SOX6: variants seen among roughly 807,000 people sequenced by gnomAD.
SOX6 encodes SRY-box transcription factor 6.
A neutral mutation model predicts 97.8 loss-of-function variants in SOX6; 11 were observed. The observed-to-expected ratio is 0.11, with a 90% confidence interval of 0.07 to 0.19. The LOEUF (loss-of-function observed/expected upper bound fraction) is 0.19, where lower values mean the gene tolerates loss of function less well. Among genes scored for constraint, SOX6 ranks in the 10% least tolerant of loss-of-function variants. The probability of loss-of-function intolerance (pLI) is 1.00; values close to 1 mark genes in which losing one functional copy is unlikely to be tolerated. For missense variants in SOX6, 810 were observed against 1,039.5 expected, an observed-to-expected ratio of 0.78 and a Z score of 3.04; for synonymous variants, 360 against 371.4, an observed-to-expected ratio of 0.97 and a Z score of 0.35.
chr11:15,972,942 T>G lies in SOX6; in HGVS notation c.2354A>C (p.Asp785Ala). 6.2e-7 allele frequency: 1 copy of G among 1,614,232 alleles called. No individual in the cohort carries two copies. Among genetic ancestry groups the G allele is most frequent in the Non-Finnish European group, 8.5e-7 (1 of 1,180,030 alleles). Residue 785 changes from aspartate (D) to alanine (A), a missense_variant, in exon 16 of 16, where the codon GAT (aspartate) becomes GCT (alanine). Physicochemically the swap from Asp to Ala is moderately radical, Grantham distance 126. Transcript: ENST00000683767. ...TTCATTTCCAGCTAGGCTTCCGCCA[T>G]CTGTCTTCATACCATAAGTGCTCTG... ...VIQSTYGMKT[D>A]GGSLAGNEMI...
At chr11:16,114,406 T>G (rs1849299054) in intron 6 of SOX6, among the ~76,000 whole-genome samples, 1 of 152,174 alleles carries the variant, frequency 6.6e-6, no homozygotes, top group African/African-American at 2.4e-5. Context: ...ACACAATTAT[T>G]GTGAGGACCA....
At chr11:16,001,483 G>A (rs1278729737) in intron 13 of SOX6, among the ~76,000 whole-genome samples, 1 of 152,116 alleles carries the variant, frequency 6.6e-6, no homozygotes, top group Non-Finnish European at 1.5e-5. Flanking sequence ...GTTCTAGAAC[G>A]TAGATCTTCT....
At chr11:16,694,937 G>C (rs561136656) in intron 3 of SOX6, among the ~76,000 whole-genome samples, 1 of 152,110 alleles carries the variant, frequency 6.6e-6, no homozygotes, top group African/African-American at 2.4e-5. Context: ...CATTTACATT[G>C]TATTAGGCAT....
intron 2 of SOX6, among the ~76,000 whole-genome samples, chr11:16,724,336 C>T (rs368467577): frequency 1.1e-4 from 17 of 152,274 alleles, no homozygotes; most frequent in African/African-American, 3.1e-4. Flanking sequence ...GCCTCAGTTT[C>T]CTGATCTGTA....
chr11:16,270,074 A>AAT (rs1854207403), intron 3 of SOX6: 1 of 151,382 alleles, frequency 6.6e-6, no homozygotes, highest in African/African-American at 2.4e-5. Context: ...TTGTCCTGTT[A>AAT]ATAAATAATC....
intron 1 of SOX6, among the ~76,000 whole-genome samples, chr11:16,401,848 C>A (rs1858567430): frequency 1.3e-5 from 2 of 151,488 alleles, no homozygotes; most frequent in South Asian, 4.1e-4. Context: ...CCAAGTCCAG[C>A]TTCAGTCACA....
intron 4 of SOX6, among the ~76,000 whole-genome samples, chr11:16,193,650 C>G (rs1851691819): frequency 3.3e-5 from 5 of 152,140 alleles, no homozygotes; most frequent in Admixed American, 3.3e-4. Context: ...TGAAGATACA[C>G]TTTTTCACAT....
intron 1 of SOX6, among the ~76,000 whole-genome samples, chr11:16,371,035 T>C (rs1232754941): frequency 1.3e-5 from 2 of 152,116 alleles, no homozygotes; most frequent in African/African-American, 4.8e-5. Context: ...CTCAAAATGT[T>C]CCAATGGCTC....
intron 3 of SOX6, among the ~76,000 whole-genome samples, chr11:16,676,257 T>C (rs184350688): frequency 2.6e-5 from 4 of 152,356 alleles, no homozygotes; most frequent in Admixed American, 6.5e-5. Flanking sequence ...GGTTCCTTTT[T>C]ATAACTTCTA....
chr11:16,084,994 A>G (rs1211164759), intron 9 of SOX6, among the ~76,000 whole-genome samples: 1 of 152,206 alleles, frequency 6.6e-6, no homozygotes, highest in Non-Finnish European at 1.5e-5. Context: ...TTCCACCCAA[A>G]TTAGTCACAT....
At chr11:16,095,194 A>T (rs1402149472) in intron 9 of SOX6, among the ~76,000 whole-genome samples, 7 of 151,922 alleles carry the variant, frequency 4.6e-5, no homozygotes, top group Non-Finnish European at 1.0e-4. Flanking sequence ...TCCACTTTTT[A>T]AAAAATTCAA....
At chr11:16,387,633 T>C (rs552324729) in intron 1 of SOX6, among the ~76,000 whole-genome samples, 3 of 152,250 alleles carry the variant, frequency 2.0e-5, no homozygotes, top group South Asian at 4.1e-4. Context: ...TGAAAATTGA[T>C]TTTGCTTTCA....
intron 4 of SOX6, among the ~76,000 whole-genome samples, chr11:16,590,735 G>C (rs1055891500): frequency 6.6e-6 from 1 of 151,834 alleles, no homozygotes; most frequent in Non-Finnish European, 1.5e-5. Context: ...ACATGTGAGA[G>C]CTTAAAAAAA....
intron 7 of SOX6, among the ~76,000 whole-genome samples, chr11:16,102,345 A>G (rs1036781996): frequency 2.6e-5 from 4 of 151,962 alleles, no homozygotes; most frequent in Non-Finnish European, 5.9e-5. Flanking sequence ...CCTCTACAAG[A>G]AAACTACAAA....
upstream of SOX6, among the ~76,000 whole-genome samples, chr11:16,479,571 T>TGAAGAAATGC (rs1860308540): frequency 6.7e-6 from 1 of 150,372 alleles, no homozygotes; most frequent in African/African-American, 2.4e-5. Flanking sequence ...AGAAGAAATG[T>TGAAGAAATGC]ACAAATGAAG....
chr11:16,425,923 T>G (rs995663781), intron 1 of SOX6, among the ~76,000 whole-genome samples: 8 of 151,644 alleles, frequency 5.3e-5, no homozygotes, highest in Admixed American at 5.3e-4. Context: ...CTATTCCTAG[T>G]AAACTACCAT....
intron 3 of SOX6, among the ~76,000 whole-genome samples, chr11:16,676,111 G>C (rs1436172166): frequency 6.9e-6 from 1 of 144,270 alleles, no homozygotes; most frequent in Non-Finnish European, 1.6e-5. Context: ...TCATTTTCCT[G>C]ATCTTCAGCA....
rs558685691 is a variant in SOX6, at chr11:16,422,908, T to C, written c.-5+53407A>G. Among the ~76,000 whole-genome samples, 105 of 152,300 alleles carry C rather than the reference T, an allele frequency of 6.9e-4. 1 individual carries two copies. In the South Asian group the frequency reaches 7.7e-3, roughly 11 times the overall value. On this transcript the variant is annotated intron_variant, in intron 1 of 15. Coordinates refer to the SOX6 transcript ENST00000396356. ...CATCATCATCTCTCATATAAACACC[T>C]TTATATTAGTCTCCTAACTGGTGTT... is the stretch of plus-strand genomic sequence containing the variant.
chr11:15,996,323 A>T (rs1854224748), intron 13 of SOX6, among the ~76,000 whole-genome samples: 1 of 152,152 alleles, frequency 6.6e-6, no homozygotes, highest in South Asian at 2.1e-4. Context: ...TCCTTAGAAA[A>T]ACCAATTTAA....
Sources: allele counts gnomAD v4.1 joint callset (sites outside exome capture counted in the v4.1 genomes callset), GRCh38; gene constraint gnomAD v4.1.1; transcripts MANE v1.5; gene names NCBI Gene and HGNC (gene_info 2026-07-23, HGNC 2026-07-21).